Variants in MGAT3 observed in about 807,000 individuals in gnomAD.
The protein encoded by MGAT3 is beta-1,4-mannosyl-glycoprotein 4-beta-N-acetylglucosaminyltransferase, also known as GlcNAc-T III.
A neutral mutation model predicts 29.8 loss-of-function variants in MGAT3; 9 were observed. That is an observed-to-expected ratio of 0.30 (90% CI 0.18 to 0.53). MGAT3 has a LOEUF of 0.53. Among genes scored for constraint, MGAT3 ranks in the 20% least tolerant of loss-of-function variants. The probability of loss-of-function intolerance (pLI) is 0.96; values close to 1 mark genes in which losing one functional copy is unlikely to be tolerated. For missense variants in MGAT3, 557 were observed against 769.5 expected, an observed-to-expected ratio of 0.72 and a Z score of 3.27; for synonymous variants, 397 against 348.9, an observed-to-expected ratio of 1.14 and a Z score of -1.54.
At chr22:39,458,128 G>A (rs1206716136) in intron 1 of MGAT3, among the ~76,000 whole-genome samples, 2 of 152,166 alleles carry the variant, frequency 1.3e-5, no homozygotes, top group African/African-American at 4.8e-5. Flanking sequence ...CGGGGTGGGG[G>A]CCCCCGGCTC....
rs777069444 is a variant in MGAT3, at chr22:39,488,625, G to A, written c.1278G>A (p.Glu426=). 1 of 1,613,444 alleles carries A rather than the reference G, an allele frequency of 6.2e-7. No individual in the cohort carries two copies. Among genetic ancestry groups the A allele is most frequent in the Non-Finnish European group, 8.5e-7 (1 of 1,180,012 alleles). Residue 426 remains glutamate (E), a synonymous_variant, in exon 2 of 2, where the codon GAG becomes GAA. Transcript: ENST00000341184. ...ACTGCTCCTGGTGCTTCACGCCCGAGGGCATCTACTTCAAGCTCGTGTCCG... is the reference window on the plus strand; with the variant it reads ...ACTGCTCCTGGTGCTTCACGCCCGAAGGCATCTACTTCAAGCTCGTGTCCG... ...GWHCSWCFTP[E]GIYFKLVSAQ...
chr22:39,465,260 C>T (rs1928608258), intron 1 of MGAT3, among the ~76,000 whole-genome samples: 1 of 152,172 alleles, frequency 6.6e-6, no homozygotes, highest in African/African-American at 2.4e-5. Context: ...ACAGGGGATC[C>T]TCAGCTCTCT....
intron 1 of MGAT3, among the ~76,000 whole-genome samples, chr22:39,474,942 C>T (rs1392342786): frequency 6.6e-6 from 1 of 152,170 alleles, no homozygotes; most frequent in Non-Finnish European, 1.5e-5. Context: ...TAAGGTCCCT[C>T]TCTGCCTGGA....
intron 1 of MGAT3, among the ~76,000 whole-genome samples, chr22:39,466,634 C>G (rs923798321): frequency 2.0e-5 from 3 of 152,240 alleles, no homozygotes; most frequent in Non-Finnish European, 4.4e-5. Flanking sequence ...AGAGCCCCCT[C>G]TCCTTAGGAA....
In MGAT3 at chr22:39,487,681, A is replaced by G; in HGVS notation, c.334A>G (p.Lys112Glu). 2 of 1,600,946 alleles carry G rather than the reference A, an allele frequency of 1.2e-6. No homozygotes were observed. The highest frequency in any genetic ancestry group is 1.7e-6 in the Non-Finnish European group (2 of 1,173,460). The stretch of plus-strand genomic sequence containing the variant: ...CACCACCGAGTATTTCGTGCGCACC[A>G]AGGCCGGCGGCGTCTGCTTCAAACC... ...EDTTEYFVRT[K>E]AGGVCFKPGT... The change falls in exon 2 of 2, where the codon AAG (lysine) becomes GAG (glutamate). Residue 112 changes from lysine (K) to glutamate (E), a missense_variant. By Grantham distance (56) the Lys-to-Glu change is moderately conservative (BLOSUM62 1). Coordinates refer to ENST00000341184, the MANE Select transcript of MGAT3 (RefSeq NM_002409.5). This position sits in a 1 kb window ranked among gnomAD's most constrained non-coding sequence, Gnocchi z 5.7.
At chr22:39,467,725 T>TCG (rs879918947) in intron 1 of MGAT3, among the ~76,000 whole-genome samples, 3,260 of 151,012 alleles carry the variant, frequency 0.022, 100 homozygotes, top group Admixed American at 0.089. Flanking sequence ...CTGTTTCGTT[T>TCG]TGTTTCGTTT....
In MGAT3 at chr22:39,461,412, C is replaced by T. The variant is rs575157518; in HGVS notation, c.-2+3855C>T. The stretch of plus-strand genomic sequence containing the variant: ...AACGGAGAGCTTCTGGTGTCCTCCC[C>T]GTCCTGAGACCCTTTGCACCCCTGA... On this transcript the variant is annotated intron_variant, in intron 1 of 1. Transcript: ENST00000341184. Among the ~76,000 whole-genome samples the T allele has an allele frequency of 1.3e-4, 20 of 152,244 alleles. 1 individual carries two copies. The South Asian group carries it at 3.1e-3, about 24-fold the overall frequency.
At chr22:39,469,573 C>T (rs989899890) in intron 1 of MGAT3, among the ~76,000 whole-genome samples, 2 of 152,176 alleles carry the variant, frequency 1.3e-5, no homozygotes, top group African/African-American at 4.8e-5. Context: ...TGGACCAGAC[C>T]TCCACCTGCC....
intron 1 of MGAT3, among the ~76,000 whole-genome samples, chr22:39,483,119 C>T (rs535147138): frequency 1.3e-5 from 2 of 152,320 alleles, no homozygotes; most frequent in South Asian, 4.1e-4. Context: ...AATGGCAGCC[C>T]CAGGCCATGC....
In MGAT3 at chr22:39,457,256, G is replaced by T. The variant is rs1397017181; in HGVS notation, c.-303G>T. 1 of 143,786 alleles carries T rather than the reference G, an allele frequency of 7.0e-6. No homozygotes were observed. The highest frequency in any genetic ancestry group is 1.5e-5 in the Non-Finnish European group (1 of 64,748). The allele number at this position is 143,786 out of a possible 1,614,324, so 8.9% of individuals were successfully genotyped here. A position where few individuals can be genotyped will look rare whatever the true frequency, so the allele number is the denominator to read the frequency against. On this transcript the variant is annotated 5_prime_UTR_variant, in exon 1 of 2. Transcript: ENST00000341184. This position sits in a 1 kb window ranked among gnomAD's most constrained non-coding sequence, Gnocchi z 6.8. ...TCGCCTCCGCGCCCCCCGCGCGCCC[G>T]CCGCGGTCCCTCCCCCGCGCCCGTC...
chr22:39,474,765 G>A (rs1013906703), intron 1 of MGAT3, among the ~76,000 whole-genome samples: 2 of 152,210 alleles, frequency 1.3e-5, no homozygotes, highest in African/African-American at 2.4e-5. Context: ...TGGGTGCTTC[G>A]GGCAGGAGCC....
At chr22:39,479,106 G>T (rs1204952596) in intron 1 of MGAT3, among the ~76,000 whole-genome samples, 1 of 152,232 alleles carries the variant, frequency 6.6e-6, no homozygotes, top group Non-Finnish European at 1.5e-5. Context: ...AACACTGGGG[G>T]GCCGAGGTAT....
At chr22:39,463,000 T>C (rs1191978195) in intron 1 of MGAT3, among the ~76,000 whole-genome samples, 1 of 152,144 alleles carries the variant, frequency 6.6e-6, no homozygotes, top group Non-Finnish European at 1.5e-5. Flanking sequence ...GGCCAGGAAC[T>C]TCCCAGAAGG....
intron 1 of MGAT3, among the ~76,000 whole-genome samples, chr22:39,485,488 C>A (rs1411961838): frequency 6.6e-6 from 1 of 152,062 alleles, no homozygotes; most frequent in Non-Finnish European, 1.5e-5. Flanking sequence ...TACAAATATT[C>A]TAAAATTAAA....
intron 1 of MGAT3, among the ~76,000 whole-genome samples, chr22:39,471,533 G>A (rs529070548): frequency 1.3e-5 from 2 of 151,882 alleles, no homozygotes; most frequent in African/African-American, 2.4e-5. Context: ...CCTCCTCTCC[G>A]TTCCTCCTTC....
At chr22:39,481,798 C>T (rs1443171078) in intron 1 of MGAT3, among the ~76,000 whole-genome samples, 1 of 152,202 alleles carries the variant, frequency 6.6e-6, no homozygotes, top group African/African-American at 2.4e-5. Flanking sequence ...GTGCAAGCGA[C>T]ATCATCTCCC....
At chr22:39,467,109 A>C (rs900695365) in intron 1 of MGAT3, among the ~76,000 whole-genome samples, 1 of 152,232 alleles carries the variant, frequency 6.6e-6, no homozygotes, top group African/African-American at 2.4e-5. Flanking sequence ...GAACATCTCC[A>C]TCACATATAA....
intron 1 of MGAT3, among the ~76,000 whole-genome samples, chr22:39,471,155 G>A (rs979295634): frequency 6.6e-6 from 1 of 152,228 alleles, no homozygotes; most frequent in Non-Finnish European, 1.5e-5. Context: ...CCTGGGGGTG[G>A]GGGCAGGGGC....
rs1929465152 is a variant in MGAT3, at chr22:39,492,012, C to T, written c.*3063C>T. The T allele has an allele frequency of 1.2e-5, 2 of 166,934 alleles. No individual in the cohort carries two copies. Among genetic ancestry groups the T allele is most frequent in the East Asian group, 1.9e-4 (1 of 5,308 alleles). 10.3% of individuals were successfully genotyped at this position (166,934 alleles called of 1,614,324 possible). A position where few individuals can be genotyped will look rare whatever the true frequency, so the allele number is the denominator to read the frequency against. ...AGACGGGACTTGTCCAAGCAGAAGG[C>T]AGGACCCTGGGAAATGCATAATGTA... On this transcript the variant is annotated 3_prime_UTR_variant, in exon 2 of 2. Transcript: ENST00000341184.
Sources: gnomAD v4.1 joint callset for allele counts (sites outside exome capture counted in the v4.1 genomes callset) on GRCh38, gnomAD v4.1.1 for gene constraint, Gnocchi (gnomAD v3.1) non-coding constraint, MANE v1.5 for transcripts, NCBI Gene and HGNC (gene_info 2026-07-23, HGNC 2026-07-21) for gene names.